The following CLIC5 variants were observed in gnomAD, a reference collection of about 807,000 sequenced individuals.
CLIC5 encodes CLIC family member 5, also known as chloride intracellular channel protein 5.
Under a neutral mutation model 24.7 loss-of-function variants are expected in CLIC5, and 20 were observed. The observed-to-expected ratio is 0.81, with a 90% CI of 0.57 to 1.18. The LOEUF (loss-of-function observed/expected upper bound fraction) is 1.18, where lower values mean the gene tolerates loss of function less well. Among genes scored for constraint, CLIC5 ranks in the 50% most tolerant of loss-of-function variants. The probability of loss-of-function intolerance (pLI) is 0.00; values close to 1 mark genes in which losing one functional copy is unlikely to be tolerated. For missense variants in CLIC5, 341 were observed against 326.1 expected (o/e 1.05, Z -0.35); for synonymous variants, 159 against 135.6 (o/e 1.17, Z -1.20).
intron 1 of CLIC5, among the ~76,000 whole-genome samples, chr6:46,047,169 T>G (rs927709022): frequency 6.6e-6 from 1 of 152,252 alleles, no homozygotes; most frequent in Non-Finnish European, 1.5e-5. Flanking sequence ...GTATTAGAGT[T>G]GCCATGGGCA....
intron 4 of CLIC5, among the ~76,000 whole-genome samples, chr6:45,925,308 A>C (rs1763436390): frequency 6.8e-6 from 1 of 147,866 alleles, no homozygotes; most frequent in Non-Finnish European, 1.5e-5. Context: ...CCAACATGTC[A>C]TTATTCCGCT....
intron 1 of CLIC5, among the ~76,000 whole-genome samples, chr6:46,033,574 C>A (rs1722590671): frequency 6.6e-6 from 1 of 152,156 alleles, no homozygotes; most frequent in Admixed American, 6.6e-5. Flanking sequence ...GTCTCCATAG[C>A]CTTGCCACCT....
chr6:46,098,243 C>T, the CLIC5 span, among the ~76,000 whole-genome samples: 8 of 152,176 alleles, frequency 5.3e-5, no homozygotes, highest in African/African-American at 1.9e-4. Flanking sequence ...TTTCTTCCAC[C>T]TCTTAGCAAT....
At chr6:46,018,855 G>C (rs1767092678), upstream of CLIC5, 3 of 152,176 alleles carry the variant, frequency 2.0e-5, no homozygotes, top group South Asian at 6.2e-4. Context: ...ATTTTTGTAT[G>C]ACTGTTGAAA....
At chr6:45,994,958 A>G (rs775399732) in intron 1 of CLIC5, among the ~76,000 whole-genome samples, 1 of 152,252 alleles carries the variant, frequency 6.6e-6, no homozygotes, top group Non-Finnish European at 1.5e-5. Flanking sequence ...TGGGAAATGT[A>G]CAGTGAACAA....
chr6:46,058,386 G>C (rs1345318159), intron 1 of CLIC5, among the ~76,000 whole-genome samples: 1 of 152,168 alleles, frequency 6.6e-6, no homozygotes, highest in East Asian at 1.9e-4. Context: ...TATAAATAGA[G>C]ATGTCAATAA....
At chr6:46,043,745 G>A (rs1469944991) in intron 1 of CLIC5, among the ~76,000 whole-genome samples, 3 of 151,902 alleles carry the variant, frequency 2.0e-5, no homozygotes, top group Admixed American at 6.6e-5. Context: ...TTTACTTCCT[G>A]AGGGCAGCTC....
chr6:45,913,865 G>A (rs1323406338), intron 5 of CLIC5: 3 of 1,171,846 alleles, frequency 2.6e-6, no homozygotes, highest in Non-Finnish European at 3.2e-6. Flanking sequence ...AGCTGTAGGG[G>A]TGTAGCCAGG....
intron 4 of CLIC5, among the ~76,000 whole-genome samples, chr6:45,925,187 T>C (rs913316076): frequency 6.6e-6 from 1 of 152,224 alleles, no homozygotes; most frequent in Non-Finnish European, 1.5e-5. Flanking sequence ...AGTAAAATGC[T>C]ATATAGGTTT....
chr6:46,108,368 TTGTGTGTG>T, the CLIC5 span, among the ~76,000 whole-genome samples: 7 of 142,568 alleles, frequency 4.9e-5, no homozygotes, highest in African/African-American at 1.6e-4. Flanking sequence ...TATCGGGTCT[TTGTGTGTG>T]TGTGTGTGTG....
rs535618902 is a variant in CLIC5 at position 45,956,008 on chromosome 6, G to T, written c.64-764C>A. On this transcript the variant is annotated intron_variant, in intron 1 of 5. Transcript: ENST00000339561. ...TCCAAGGAGCTTATGGCCTTCTGTA[G>T]GTGGGCTTGGGGATAAGACAGGAAC... Among the ~76,000 whole-genome samples, 7 of 152,276 alleles carry T rather than the reference G, an allele frequency of 4.6e-5. No individual in the cohort carries two copies. The South Asian group carries it at 1.5e-3, about 32-fold the overall frequency.
chr6:45,923,043 G>C (rs1225388042), intron 4 of CLIC5, among the ~76,000 whole-genome samples: 1 of 152,190 alleles, frequency 6.6e-6, no homozygotes, highest in Non-Finnish European at 1.5e-5. Flanking sequence ...ATTTTCCACA[G>C]AGAACATGTA....
chr6:45,943,703 T>A (rs1023584516), intron 3 of CLIC5, among the ~76,000 whole-genome samples: 2 of 152,262 alleles, frequency 1.3e-5, no homozygotes, highest in East Asian at 3.8e-4. Context: ...TTCAGTCATC[T>A]GATCATTTCT....
At chr6:46,016,856 A>G (rs1441335923), upstream of CLIC5, among the ~76,000 whole-genome samples, 4 of 152,148 alleles carry the variant, frequency 2.6e-5, no homozygotes, top group African/African-American at 9.7e-5. Context: ...TCTTTCGCTC[A>G]TTACTATGTT....
the CLIC5 span, among the ~76,000 whole-genome samples, chr6:46,101,896 C>T: frequency 2.7e-5 from 4 of 150,904 alleles, no homozygotes; most frequent in African/African-American, 7.3e-5. Context: ...CCATTCCATA[C>T]ATTACACCAT....
At chr6:45,935,404 G>A (rs565779099) in intron 4 of CLIC5, among the ~76,000 whole-genome samples, 8 of 152,216 alleles carry the variant, frequency 5.3e-5, no homozygotes, top group Non-Finnish European at 1.2e-4. Context: ...GCTGGGTAGA[G>A]AGCATGATTA....
intron 6 of CLIC5, among the ~76,000 whole-genome samples, chr6:45,884,533 G>T (rs1762288013): frequency 6.6e-6 from 1 of 152,162 alleles, no homozygotes; most frequent in Admixed American, 6.5e-5. Context: ...CTCTCTCATT[G>T]GCTGGAACTG....
intron 1 of CLIC5, among the ~76,000 whole-genome samples, chr6:45,990,972 A>G (rs1765915826): frequency 6.6e-6 from 1 of 152,176 alleles, no homozygotes; most frequent in African/African-American, 2.4e-5. Context: ...CAAGCTGTCC[A>G]TGTGAGGATT....
chr6:46,053,633 C>T (rs575498475), intron 1 of CLIC5, among the ~76,000 whole-genome samples: 2 of 152,268 alleles, frequency 1.3e-5, no homozygotes, highest in South Asian at 2.1e-4. Context: ...GAACTCATCA[C>T]GTCCCATGAT....
Sources: gnomAD v4.1 joint callset for allele counts (sites outside exome capture counted in the v4.1 genomes callset) on GRCh38, gnomAD v4.1.1 for gene constraint, MANE v1.5 for transcripts, NCBI Gene and HGNC (gene_info 2026-07-23, HGNC 2026-07-21) for gene names.